SLC36A1: variants seen among roughly 807,000 people sequenced by gnomAD.
SLC36A1 encodes the protein solute carrier family 36 member 1, also known as proton-coupled amino acid transporter 1.
SLC36A1 carries 30 observed loss-of-function variants against 47.5 expected under a neutral mutation model. The observed-to-expected ratio is 0.63, with a 90% CI of 0.47 to 0.86. SLC36A1 has a LOEUF of 0.86. SLC36A1 is among the 40% of genes least tolerant of loss of function. The pLI is 0.00. For synonymous variants in SLC36A1, 255 were observed against 249.7 expected (o/e 1.02, Z -0.20); for missense variants, 517 against 606.0 (o/e 0.85, Z 1.54).
chr5:151,458,220 C>T (rs1754881232), intron 1 of SLC36A1, among the ~76,000 whole-genome samples: 1 of 141,778 alleles, frequency 7.1e-6, no homozygotes, highest in South Asian at 2.5e-4. Flanking sequence ...TGAGAAATAC[C>T]CAGATTTCCA....
chr5:151,403,175 T>A, the SLC36A1 span, among the ~76,000 whole-genome samples: 1 of 152,176 alleles, frequency 6.6e-6, no homozygotes, highest in Non-Finnish European at 1.5e-5. Context: ...ACACTGCTTT[T>A]GCTGCACCCC....
the SLC36A1 span, chr5:151,528,258 T>A: frequency 8.9e-7 from 1 of 1,121,200 alleles, no homozygotes; most frequent in Non-Finnish European, 1.3e-6. Context: ...GGATCACAGT[T>A]GTCCCTGCCA....
chr5:151,399,084 A>ATATATAT, the SLC36A1 span, among the ~76,000 whole-genome samples: 390 of 60,044 alleles, frequency 6.5e-3, 4 homozygotes, highest in African/African-American at 0.02. Context: ...ATATATATAT[A>ATATATAT]TTTTTTTTTT....
chr5:151,534,442 C>A, the SLC36A1 span: 1 of 1,612,880 alleles, frequency 6.2e-7, no homozygotes, highest in South Asian at 1.1e-5. Context: ...ACTACAGCCA[C>A]AGGGGTCTTC....
the SLC36A1 span, among the ~76,000 whole-genome samples, chr5:151,420,772 G>A: frequency 6.6e-6 from 1 of 152,092 alleles, no homozygotes; most frequent in Non-Finnish European, 1.5e-5. Context: ...ATAGTTTGGA[G>A]TGATTAAGTC....
chr5:151,377,365 T>TC, the SLC36A1 span, among the ~76,000 whole-genome samples: 2 of 149,580 alleles, frequency 1.3e-5, no homozygotes, highest in African/African-American at 4.9e-5. Context: ...TTTTTTTTTT[T>TC]TGAGACGGAG....
chr5:151,484,057 T>A (rs892156797), intron 10 of SLC36A1, among the ~76,000 whole-genome samples: 3 of 152,214 alleles, frequency 2.0e-5, no homozygotes, highest in African/African-American at 7.2e-5. Context: ...CGGAAGATCT[T>A]TGTCCAATCA....
chr5:151,474,391 G>T (rs993663793), intron 8 of SLC36A1, among the ~76,000 whole-genome samples: 2 of 152,074 alleles, frequency 1.3e-5, no homozygotes, highest in African/African-American at 4.8e-5. Flanking sequence ...AGACTGACAT[G>T]GGGGTAAGTC....
chr5:151,507,409 C>T, the SLC36A1 span: 5 of 1,614,180 alleles, frequency 3.1e-6, no homozygotes, highest in Non-Finnish European at 3.4e-6. Flanking sequence ...ACACTCCTGG[C>T]CAGGAGGTCT....
intron 9 of SLC36A1, among the ~76,000 whole-genome samples, chr5:151,478,256 T>C (rs1469463183): frequency 6.6e-6 from 1 of 152,262 alleles, no homozygotes; most frequent in African/African-American, 2.4e-5. Flanking sequence ...TGTTTCTTGC[T>C]GTTTAACACA....
chr5:151,377,009 G>A, the SLC36A1 span, among the ~76,000 whole-genome samples: 3 of 152,274 alleles, frequency 2.0e-5, no homozygotes, highest in Admixed American at 6.5e-5. Context: ...TAATTTTCAT[G>A]TATTTGGATA....
the SLC36A1 span, among the ~76,000 whole-genome samples, chr5:151,387,861 C>G: frequency 1.3e-5 from 2 of 152,048 alleles, no homozygotes; most frequent in Non-Finnish European, 2.9e-5. Context: ...ACCTGGGAAG[C>G]CATGCCCTAC....
At chr5:151,397,651 C>T in the SLC36A1 span, among the ~76,000 whole-genome samples, 1 of 150,360 alleles carries the variant, frequency 6.7e-6, no homozygotes, top group East Asian at 2.0e-4. Context: ...GTAGTCCCAG[C>T]TACTGGGGAG....
chr5:151,529,665 T>C, the SLC36A1 span, among the ~76,000 whole-genome samples: 1 of 152,250 alleles, frequency 6.6e-6, no homozygotes, highest in East Asian at 1.9e-4. Flanking sequence ...TGTGTGATGC[T>C]AAATTTATCT....
the SLC36A1 span, chr5:151,504,572 C>T: frequency 1.3e-5 from 2 of 152,698 alleles, no homozygotes; most frequent in East Asian, 3.8e-4. Context: ...ACACTGCGGT[C>T]CAGCTCCCTG....
Position 151,442,560 on chromosome 5 carries a change from G to A in SLC36A1, c.-6+5381G>A, listed in dbSNP as rs145254346. 3.4e-4 allele frequency among the ~76,000 whole-genome samples: 52 copies of A among 152,116 alleles called. No homozygotes were observed. In the South Asian group the frequency reaches 3.5e-3, roughly 10 times the overall value. ...TACATCCTATATTATTGTTACCTATGCTCATCCTACAGAGCTATAGAACTG... is the reference window on the plus strand; with the variant it reads ...TACATCCTATATTATTGTTACCTATACTCATCCTACAGAGCTATAGAACTG... On this transcript the variant is annotated intron_variant, in intron 1 of 8. Coordinates refer to the SLC36A1 transcript ENST00000429484.
the SLC36A1 span, among the ~76,000 whole-genome samples, chr5:151,372,512 C>CA: frequency 6.6e-6 from 1 of 151,818 alleles, no homozygotes; most frequent in East Asian, 1.9e-4. Flanking sequence ...GGCACAATTA[C>CA]AATGCACTGC....
At chr5:151,374,953 A>C in the SLC36A1 span, among the ~76,000 whole-genome samples, 2 of 148,912 alleles carry the variant, frequency 1.3e-5, no homozygotes, top group Non-Finnish European at 3.0e-5. Context: ...TAAATTCTGG[A>C]TATCAGTCCC....
chr5:151,545,096 T>A, the SLC36A1 span: 1 of 1,614,144 alleles, frequency 6.2e-7, no homozygotes, highest in Non-Finnish European at 8.5e-7. Context: ...ATATGAAACA[T>A]ATCTGTGCCA....
Sources: allele counts gnomAD v4.1 joint callset (sites outside exome capture counted in the v4.1 genomes callset), GRCh38; gene constraint gnomAD v4.1.1; transcripts MANE v1.5; gene names NCBI Gene and HGNC (gene_info 2026-07-23, HGNC 2026-07-21).